Variants in CYP20A1 observed in about 807,000 individuals in gnomAD.
CYP20A1 encodes cytochrome P450 20A1.
Under a neutral mutation model 61.4 loss-of-function variants are expected in CYP20A1, and 61 were observed. The ratio of observed to expected loss-of-function variants is 0.99; its 90% CI spans 0.81 to 1.23. The LOEUF (loss-of-function observed/expected upper bound fraction) is 1.23. Among genes scored for constraint, CYP20A1 ranks in the 50% most tolerant of loss-of-function variants. The pLI, the probability that CYP20A1 is intolerant of heterozygous loss-of-function variation, is 0.00. For missense variants in CYP20A1, 530 were observed against 542.4 expected, an observed-to-expected ratio of 0.98 and a Z score of 0.23; for synonymous variants, 193 against 188.2, an observed-to-expected ratio of 1.03 and a Z score of -0.21.
intron 4 of CYP20A1, among the ~76,000 whole-genome samples, chr2:203,252,748 A>T (rs1450856016): frequency 6.6e-6 from 1 of 151,954 alleles, no homozygotes; most frequent in Non-Finnish European, 1.5e-5. Flanking sequence ...AGCTCCTATT[A>T]GCCGTATGCA....
At chr2:203,253,169 C>T (rs369724121) in intron 4 of CYP20A1, among the ~76,000 whole-genome samples, 7 of 152,194 alleles carry the variant, frequency 4.6e-5, no homozygotes, top group African/African-American at 1.7e-4. Context: ...GATCAGGCTC[C>T]CCTTCTGTCC....
intron 3 of CYP20A1, among the ~76,000 whole-genome samples, 162 bp from the exon 4 acceptor site, chr2:203,251,805 A>ATTTT (rs2105911595): frequency 9.5e-6 from 1 of 105,136 alleles, no homozygotes; most frequent in Admixed American, 1.1e-4. Context: ...ATATATATAT[A>ATTTT]TATATATATA....
intron 11 of CYP20A1, among the ~76,000 whole-genome samples, chr2:203,294,703 T>C (rs1409165909): frequency 6.7e-6 from 1 of 149,940 alleles, no homozygotes. Context: ...GGTGCAATCT[T>C]GGCTCACTGC....
At chr2:203,287,760 G>A (rs1328556505) in intron 9 of CYP20A1, among the ~76,000 whole-genome samples, 1 of 151,996 alleles carries the variant, frequency 6.6e-6, no homozygotes, top group East Asian at 1.9e-4. Flanking sequence ...AGCTTATGAA[G>A]CATTTCAAAA....
intron 1 of CYP20A1, among the ~76,000 whole-genome samples, chr2:203,240,956 T>C (rs1255197344): frequency 6.6e-6 from 1 of 152,204 alleles, no homozygotes; most frequent in Non-Finnish European, 1.5e-5. Flanking sequence ...TGAATTGACA[T>C]GGGTCTCCAG....
chr2:203,300,907 A>AC lies in CYP20A1; in HGVS notation c.*3999_*4000insC, dbSNP rs2068993922. Among the ~76,000 whole-genome samples, 1 of 148,782 alleles carries AC rather than the reference A, an allele frequency of 6.7e-6. No homozygotes were observed. The highest frequency in any genetic ancestry group is 2.5e-5 in the African/African-American group (1 of 40,234). On this transcript the variant is annotated 3_prime_UTR_variant, in exon 13 of 13. Transcript: ENST00000356079. ...TCCGTCTCAGAAAAAAAAAAAAAAA[A>AC]AAAAAACGGCCAGGCGAGGTGGCTC...
At chr2:203,280,405 C>T (rs1331857055) in intron 8 of CYP20A1, among the ~76,000 whole-genome samples, 1 of 152,050 alleles carries the variant, frequency 6.6e-6, no homozygotes, top group Admixed American at 6.6e-5. Flanking sequence ...GAGACCCTGT[C>T]TCAAAAAAAA....
intron 3 of CYP20A1, among the ~76,000 whole-genome samples, chr2:203,251,563 A>G (rs553719690): frequency 1.3e-5 from 2 of 151,490 alleles, no homozygotes; most frequent in Admixed American, 1.3e-4. Context: ...TGGGATCAGG[A>G]GTTCGAGACC....
At position 203,276,851 on chromosome 2, in the gene CYP20A1, A is replaced by G. The variant is rs1451235768; in HGVS notation, c.680-1722A>G. 2.6e-5 allele frequency among the ~76,000 whole-genome samples: 4 copies of G among 152,204 alleles called. No homozygotes were observed. In the East Asian group the frequency reaches 7.7e-4, roughly 29 times the overall value. ...AGTGCACGGTACATATATTGCACTGAAAGCCTTGAGATTAGAGATCACCAG... is the reference window on the plus strand; with the variant it reads ...AGTGCACGGTACATATATTGCACTGGAAGCCTTGAGATTAGAGATCACCAG... On this transcript the variant is annotated intron_variant, in intron 6 of 12. Transcript: ENST00000356079.
In CYP20A1 at chr2:203,266,282, G is replaced by A. The variant is rs138063562; in HGVS notation, c.433-232G>A. ...ATTTATATTTTCTGTTTTTATTGTCGTGATAGTGGTTCTGTTTTGTTTTAC... is the reference window on the plus strand; with the variant it reads ...ATTTATATTTTCTGTTTTTATTGTCATGATAGTGGTTCTGTTTTGTTTTAC... On this transcript the variant is annotated intron_variant, in intron 4 of 12. Transcript: ENST00000356079. Among the ~76,000 whole-genome samples, 63 of 151,962 alleles carry A rather than the reference G, an allele frequency of 4.1e-4. No individual in the cohort carries two copies. The East Asian group carries it at 7.5e-3, about 18-fold the overall frequency.
At chr2:203,267,129 T>C (rs979796057) in intron 5 of CYP20A1, among the ~76,000 whole-genome samples, 1 of 152,078 alleles carries the variant, frequency 6.6e-6, no homozygotes, top group Non-Finnish European at 1.5e-5. Flanking sequence ...AGCACTGCAC[T>C]CCAGCCTGGG....
At position 203,296,652 on chromosome 2, in the gene CYP20A1, T is replaced by A. The variant is rs2068810085; in HGVS notation, c.1238+89T>A. 19 of 1,404,206 alleles carry A rather than the reference T, an allele frequency of 1.4e-5. No homozygotes were observed. The South Asian group carries it at 2.5e-4, about 18-fold the overall frequency. 87.0% of individuals were successfully genotyped at this position (1,404,206 alleles called of 1,614,324 possible). ...CAATCTGTATGATTAAAGTATTATTTTTTTATTATTATTGTACTTTAAGTT... is the reference window on the plus strand; with the variant it reads ...CAATCTGTATGATTAAAGTATTATTATTTTATTATTATTGTACTTTAAGTT... On this transcript the variant is annotated intron_variant, in intron 12 of 12. Transcript: ENST00000356079.
At chr2:203,283,171 T>C (rs2068112422) in intron 8 of CYP20A1, among the ~76,000 whole-genome samples, 1 of 146,010 alleles carries the variant, frequency 6.8e-6, no homozygotes, top group Non-Finnish European at 1.5e-5. Flanking sequence ...AGTGTGACCC[T>C]ATCTAAAAAA....
chr2:203,292,573 G>A (rs905187627), intron 11 of CYP20A1, among the ~76,000 whole-genome samples: 4 of 152,114 alleles, frequency 2.6e-5, no homozygotes, highest in Middle Eastern at 3.4e-3. Context: ...ATCCTTCTGC[G>A]TCAGCCACCT....
intron 9 of CYP20A1, among the ~76,000 whole-genome samples, chr2:203,288,313 G>A (rs566424155): frequency 2.0e-5 from 3 of 151,666 alleles, no homozygotes; most frequent in East Asian, 1.9e-4. Context: ...TGATCCACCC[G>A]CCTCTGGCTC....
At position 203,300,307 on chromosome 2, in the gene CYP20A1, A is replaced by G. The variant is rs542302371; in HGVS notation, c.*3399A>G. Among the ~76,000 whole-genome samples, 1 of 152,340 alleles carries G rather than the reference A, an allele frequency of 6.6e-6. No homozygotes were observed. The highest frequency in any genetic ancestry group is 1.5e-5 in the Non-Finnish European group (1 of 68,020). On this transcript the variant is annotated 3_prime_UTR_variant, in exon 13 of 13. Coordinates refer to ENST00000356079, the MANE Select transcript of CYP20A1 (RefSeq NM_177538.3). ...TTATTCTCTAGATAATTTTTTAAAT[A>G]AAAGTACTGTTAATATATAAACTAA...
chr2:203,285,501 GA>G, intron 8 of CYP20A1, 110 bp from the exon 9 acceptor site: 1 of 1,261,270 alleles, frequency 7.9e-7, no homozygotes, highest in South Asian at 2.1e-5. Context: ...TATCATGGGA[GA>G]AAAAAAGCAA....
chr2:203,271,851 C>T (rs1469212515), intron 5 of CYP20A1, among the ~76,000 whole-genome samples: 1 of 152,004 alleles, frequency 6.6e-6, no homozygotes, highest in Non-Finnish European at 1.5e-5. Context: ...GTCTGGAAAC[C>T]CCATCTCTAC....
Position 203,298,741 on chromosome 2 carries a change from A to T in CYP20A1, c.*1833A>T, listed in dbSNP as rs1291423322. ...GGAGGTGGGGAGAGCTATTTCAAGA[A>T]TATTTTAAGTAGGCTGGGCACGGTA... is the stretch of plus-strand genomic sequence containing the variant. On this transcript the variant is annotated 3_prime_UTR_variant, in exon 13 of 13. Transcript: ENST00000356079. 6.6e-6 allele frequency among the ~76,000 whole-genome samples: 1 copy of T among 151,554 alleles called. No individual in the cohort carries two copies. Among genetic ancestry groups the T allele is most frequent in the Admixed American group, 6.6e-5 (1 of 15,166 alleles).
Sources: gnomAD v4.1 joint callset for allele counts (sites outside exome capture counted in the v4.1 genomes callset) on GRCh38, gnomAD v4.1.1 for gene constraint, MANE v1.5 for transcripts, NCBI Gene and HGNC (gene_info 2026-07-23, HGNC 2026-07-21) for gene names.